Variants in CPD observed in about 807,000 individuals in gnomAD.
CPD encodes the protein metallocarboxypeptidase D.
Under a neutral mutation model 138.3 loss-of-function variants are expected in CPD, and 69 were observed. That is an observed-to-expected ratio of 0.50 (90% CI 0.41 to 0.61). The LOEUF (loss-of-function observed/expected upper bound fraction) is 0.61. CPD is among the 20% of genes least tolerant of loss of function. CPD has a pLI of 0.00. For synonymous variants in CPD, 651 were observed against 642.1 expected (o/e 1.01, Z -0.21); for missense variants, 1,432 against 1,733.3 (o/e 0.83, Z 3.09).
At chr17:30,442,893 G>A (rs554601280) in intron 10 of CPD, among the ~76,000 whole-genome samples, 41 of 152,132 alleles carry the variant, frequency 2.7e-4, no homozygotes, top group African/African-American at 9.4e-4. Flanking sequence ...GTGGCCAGTA[G>A]GTAAAGATTA....
rs1272803352 is a variant in CPD, at chr17:30,411,036, C to A, written c.995-9805C>A. On this transcript the variant is annotated intron_variant, in intron 2 of 20. Transcript: ENST00000225719. ...ATGTTTAGTGCTTCCTTTAGGAGCT[C>A]TTGTAAGGCAGGTCTGGTGGTGACA... Among the ~76,000 whole-genome samples, 3 of 152,074 alleles carry A rather than the reference C, an allele frequency of 2.0e-5. No individual in the cohort carries two copies. In the East Asian group the frequency reaches 5.8e-4, roughly 29 times the overall value.
At chr17:30,449,959 G>T (rs1012213078) in intron 13 of CPD, among the ~76,000 whole-genome samples, 1 of 151,802 alleles carries the variant, frequency 6.6e-6, no homozygotes, top group Non-Finnish European at 1.5e-5. Context: ...TATGTCTTAA[G>T]AGGCATGCAG....
intron 17 of CPD, among the ~76,000 whole-genome samples, chr17:30,460,970 A>C (rs1484667852): frequency 6.6e-6 from 1 of 152,246 alleles, no homozygotes; most frequent in Non-Finnish European, 1.5e-5. Flanking sequence ...TGAATTCGAC[A>C]TAGCCCCTGT....
chr17:30,380,755 C>G (rs1911019993), intron 1 of CPD: 2 of 688,584 alleles, frequency 2.9e-6, no homozygotes, highest in Non-Finnish European at 4.6e-6. Context: ...TGAGCTATCT[C>G]CAGAGATGGG....
chr17:30,442,477 A>T, intron 10 of CPD, 27 bp downstream of exon 10: 1 of 1,601,574 alleles, frequency 6.2e-7, no homozygotes, highest in Non-Finnish European at 8.5e-7. Context: ...GAAGTATGAA[A>T]TTTCTCCCGA....
At chr17:30,428,243 G>A (rs539686824) in intron 7 of CPD, among the ~76,000 whole-genome samples, 5 of 152,192 alleles carry the variant, frequency 3.3e-5, no homozygotes, top group Non-Finnish European at 7.4e-5. Flanking sequence ...ATTAAAAATC[G>A]CCACAATGTC....
At chr17:30,459,102 A>G (rs554736501) in intron 17 of CPD, among the ~76,000 whole-genome samples, 248 of 136,698 alleles carry the variant, frequency 1.8e-3, no homozygotes, top group African/African-American at 6.7e-3. Flanking sequence ...TGGACTCTCA[A>G]TTCTATTCCA....
chr17:30,443,332 C>T (rs1912930562), intron 10 of CPD, among the ~76,000 whole-genome samples: 1 of 152,026 alleles, frequency 6.6e-6, no homozygotes, highest in African/African-American at 2.4e-5. Context: ...CTAATATTAC[C>T]TAATACTTAG....
chr17:30,455,609 G>A, intron 15 of CPD, 139 bp downstream of exon 15: 4 of 880,234 alleles, frequency 4.5e-6, no homozygotes, highest in Non-Finnish European at 6.8e-6. Flanking sequence ...AAAGAAGATT[G>A]TACATACATC....
intron 17 of CPD, 174 bp downstream of exon 17, chr17:30,456,700 GGTGTGGTGGCA>G (rs1014373274): frequency 1.8e-6 from 1 of 555,180 alleles, no homozygotes; most frequent in Non-Finnish European, 3.2e-6. Context: ...AAATTAGCTG[GGTGTGGTGGCA>G]GACGCCCGTA....
At chr17:30,405,228 A>G (rs145533102) in intron 2 of CPD, among the ~76,000 whole-genome samples, 1 of 152,240 alleles carries the variant, frequency 6.6e-6, no homozygotes, top group African/African-American at 2.4e-5. Context: ...GGTCATCCAC[A>G]TAGTGCAAGA....
intron 2 of CPD, among the ~76,000 whole-genome samples, chr17:30,388,112 C>G (rs1007920956): frequency 2.0e-5 from 3 of 152,154 alleles, no homozygotes; most frequent in Admixed American, 2.0e-4. Context: ...TCTGGTTGTC[C>G]CATCATCTCT....
intron 6 of CPD, among the ~76,000 whole-genome samples, chr17:30,424,419 T>C (rs906268782): frequency 2.6e-5 from 4 of 152,210 alleles, no homozygotes; most frequent in African/African-American, 9.6e-5. Context: ...CTGACCCCCA[T>C]TTCCCATCAT....
At chr17:30,434,617 G>T (rs1912652375) in intron 8 of CPD, among the ~76,000 whole-genome samples, 1 of 152,068 alleles carries the variant, frequency 6.6e-6, no homozygotes, top group Non-Finnish European at 1.5e-5. Flanking sequence ...GTTACAGGGA[G>T]ATCTTCCAAA....
chr17:30,385,088 C>T lies in CPD; in HGVS notation c.846C>T (p.Thr282=), dbSNP rs778901889. 1 of 1,614,002 alleles carries T rather than the reference C, an allele frequency of 6.2e-7. No individual in the cohort carries two copies. Among genetic ancestry groups the T allele is most frequent in the South Asian group, 1.1e-5 (1 of 91,074 alleles). ...AGGCCACTGGAATCTATAGCAAAAC[C>T]TCAGATGATGAAGTATTTAAATACT... ...EHKATGIYSK[T]SDDEVFKYLA... is the part of the protein sequence containing the mutation. The change falls in exon 2 of 21, where the codon ACC becomes ACT. Residue 282 remains threonine, a synonymous_variant. Coordinates refer to ENST00000225719, the MANE Select transcript of CPD (RefSeq NM_001304.5).
chr17:30,439,117 C>A (rs1373895863), intron 9 of CPD, 40 bp downstream of exon 9: 1 of 1,138,708 alleles, frequency 8.8e-7, no homozygotes, highest in Non-Finnish European at 1.3e-6. Context: ...AACTTGATGG[C>A]CTTTCTGCTT....
At chr17:30,419,486 C>T (rs941432038) in intron 2 of CPD, among the ~76,000 whole-genome samples, 9 of 152,192 alleles carry the variant, frequency 5.9e-5, no homozygotes, top group Middle Eastern at 3.4e-3. Context: ...ACTACAGGCA[C>T]GTGCCACCAC....
chr17:30,421,878 T>C, intron 4 of CPD, 45 bp downstream of exon 4: 2 of 1,439,050 alleles, frequency 1.4e-6, no homozygotes, highest in Non-Finnish European at 1.9e-6. Context: ...ATGTCAAGTC[T>C]CTGTTTTATA....
chr17:30,391,993 T>G (rs1224656002), intron 2 of CPD, among the ~76,000 whole-genome samples: 2 of 152,078 alleles, frequency 1.3e-5, no homozygotes, highest in Non-Finnish European at 1.5e-5. Flanking sequence ...CATAGTTATT[T>G]GATCTTTGGA....
Sources: gnomAD v4.1 joint callset for allele counts (sites outside exome capture counted in the v4.1 genomes callset) on GRCh38, gnomAD v4.1.1 for gene constraint, MANE v1.5 for transcripts, NCBI Gene and HGNC (gene_info 2026-07-23, HGNC 2026-07-21) for gene names.